TMEM38A: variants seen among roughly 807,000 people sequenced by gnomAD.
The protein encoded by TMEM38A is trimeric intracellular cation channel type A.
A neutral mutation model predicts 28.6 loss-of-function variants in TMEM38A; 17 were observed. The ratio of observed to expected loss-of-function variants is 0.60; its 90% confidence interval spans 0.41 to 0.89. The LOEUF is 0.89. Ranked by LOEUF, TMEM38A falls within the 40% of genes least tolerant of loss-of-function variation. The pLI, the probability that TMEM38A is intolerant of heterozygous loss-of-function variation, is 0.00. For synonymous variants in TMEM38A, 169 were observed against 166.1 expected, an observed-to-expected ratio of 1.02 and a Z score of -0.14; for missense variants, 328 against 393.1, an observed-to-expected ratio of 0.83 and a Z score of 1.40.
rs2086817281 is a variant in TMEM38A at position 16,689,566 on chromosome 19, G to C, written c.*1195G>C. 2 of 152,204 alleles carry C rather than the reference G, an allele frequency of 1.3e-5. No homozygotes were observed. Among genetic ancestry groups the C allele is most frequent in the African/African-American group, 2.4e-5 (1 of 41,448 alleles). 9.4% of individuals were successfully genotyped at this position (152,204 alleles called of 1,614,324 possible). A position where few individuals can be genotyped will look rare whatever the true frequency, so the allele number is the denominator to read the frequency against. ...CAGCTGGTTGGGGTTCCACGATCCA[G>C]CTCTATCAAGGGGCTCTGAGTGTGC... is the stretch of plus-strand genomic sequence containing the variant. On this transcript the variant is annotated 3_prime_UTR_variant, in exon 6 of 6. Transcript: ENST00000187762.
intron 3 of TMEM38A, 78 bp downstream of exon 3, chr19:16,680,659 A>G (rs2122594438): frequency 6.7e-7 from 1 of 1,481,776 alleles, no homozygotes; most frequent in Non-Finnish European, 9.3e-7. Context: ...CACCCCAGCT[A>G]GGAAAGCCAT....
intron 1 of TMEM38A, among the ~76,000 whole-genome samples, chr19:16,664,319 A>G (rs1269118462): frequency 1.3e-5 from 2 of 152,162 alleles, no homozygotes; most frequent in Admixed American, 6.6e-5. Flanking sequence ...TGGGAGGCTG[A>G]GACATGAGAA....
At chr19:16,680,946 G>T in intron 3 of TMEM38A, 1 of 205,202 alleles carries the variant, frequency 4.9e-6, no homozygotes, top group Non-Finnish European at 1.0e-5. Context: ...CCCACGAGAT[G>T]CCAGTAGCAC....
At chr19:16,687,224 C>A (rs991379671) in intron 5 of TMEM38A, among the ~76,000 whole-genome samples, 1 of 151,800 alleles carries the variant, frequency 6.6e-6, no homozygotes, top group African/African-American at 2.4e-5. Context: ...CCCAGCTACT[C>A]GGGAGGCTGA....
intron 1 of TMEM38A, among the ~76,000 whole-genome samples, chr19:16,667,129 C>T (rs2086706740): frequency 6.6e-6 from 1 of 151,748 alleles, no homozygotes; most frequent in African/African-American, 2.4e-5. Context: ...ATTAGCCAGT[C>T]ATGGTGGCAC....
intron 1 of TMEM38A, among the ~76,000 whole-genome samples, chr19:16,678,660 G>A (rs1040662122): frequency 1.3e-5 from 2 of 150,248 alleles, no homozygotes; most frequent in African/African-American, 4.9e-5. Flanking sequence ...AAATACTTTC[G>A]AGGCTGAGGT....
chr19:16,676,645 A>C (rs2086752763), intron 1 of TMEM38A, among the ~76,000 whole-genome samples: 1 of 152,130 alleles, frequency 6.6e-6, no homozygotes, highest in Non-Finnish European at 1.5e-5. Context: ...ATACAACATA[A>C]GGATAGAACT....
chr19:16,686,147 A>G (rs1443088680), intron 4 of TMEM38A, 141 bp from the exon 5 acceptor site: 3 of 603,596 alleles, frequency 5.0e-6, no homozygotes, highest in Non-Finnish European at 8.7e-6. Flanking sequence ...TGGGCAACAG[A>G]GTGAGATTCC....
intron 1 of TMEM38A, among the ~76,000 whole-genome samples, chr19:16,679,747 T>C (rs945823104): frequency 6.6e-6 from 1 of 152,166 alleles, no homozygotes; most frequent in Non-Finnish European, 1.5e-5. Context: ...ACTAGTGTCA[T>C]CATCATTGCC....
chr19:16,663,730 G>A (rs572589444), intron 1 of TMEM38A, among the ~76,000 whole-genome samples: 1 of 151,472 alleles, frequency 6.6e-6, no homozygotes, highest in Admixed American at 6.6e-5. Flanking sequence ...TAGAGACAGG[G>A]TTTCACCGTA....
At position 16,661,195 on chromosome 19, in the gene TMEM38A, C is replaced by T. The variant is rs374222958; in HGVS notation, c.-23C>T. 23 of 1,396,614 alleles carry T rather than the reference C, an allele frequency of 1.6e-5. No individual in the cohort carries two copies. In the African/African-American group the frequency reaches 2.7e-4, roughly 16 times the overall value. The allele number at this position is 1,396,614 out of a possible 1,614,324, so 86.5% of individuals were successfully genotyped here. On this transcript the variant is annotated 5_prime_UTR_variant, in exon 1 of 6. Coordinates refer to ENST00000187762, the MANE Select transcript of TMEM38A (RefSeq NM_024074.4). This position sits in a 1 kb window ranked among gnomAD's most constrained non-coding sequence, Gnocchi z 6.5. ...CGAGGCCGGGGCCCCGGGTGGCACC[C>T]GGCAGGCGGGCAGGCGGGCGCCATG...
chr19:16,674,251 G>T (rs773608547), intron 1 of TMEM38A, among the ~76,000 whole-genome samples: 78 of 151,760 alleles, frequency 5.1e-4, no homozygotes, highest in Non-Finnish European at 1.5e-5. Context: ...TAGGCGTGGT[G>T]GCAGGTGCCT....
rs142976398 is a variant in TMEM38A, at chr19:16,685,850, A to G, written c.555-438A>G. On this transcript the variant is annotated intron_variant, in intron 4 of 5. Transcript: ENST00000187762. ...AACCCATCATGCATAGGATGACACC[A>G]TCTCAACCTGCCACCTTACAATCAG... Among the ~76,000 whole-genome samples, 41 of 152,322 alleles carry G rather than the reference A, an allele frequency of 2.7e-4. No homozygotes were observed. In the East Asian group the frequency reaches 7.3e-3, roughly 27 times the overall value.
chr19:16,673,332 T>C (rs868119255), intron 1 of TMEM38A, among the ~76,000 whole-genome samples: 1 of 152,194 alleles, frequency 6.6e-6, no homozygotes, highest in African/African-American at 2.4e-5. Flanking sequence ...TCCGCCTGCC[T>C]TGGCCTCCCA....
Position 16,684,395 on chromosome 19 carries a change from G to T in TMEM38A, c.554+1887G>T, listed in dbSNP as rs116002679. Among the ~76,000 whole-genome samples the T allele has an allele frequency of 7.6e-3, 1,154 of 151,928 alleles. 15 individuals carry two copies. The highest frequency in any genetic ancestry group is 0.027 in the African/African-American group (1,111 of 41,452). Reference sequence around the variant, plus strand: ...CTCAGGACGCTGAGGCAGGAAGATCGCTTGGTCTCAGAAGGTTGAAGCTGG... The same window carrying T: ...CTCAGGACGCTGAGGCAGGAAGATCTCTTGGTCTCAGAAGGTTGAAGCTGG... On this transcript the variant is annotated intron_variant, in intron 4 of 5. Coordinates refer to ENST00000187762, the MANE Select transcript of TMEM38A (RefSeq NM_024074.4).
At chr19:16,673,000 C>G (rs2086734187) in intron 1 of TMEM38A, among the ~76,000 whole-genome samples, 1 of 152,174 alleles carries the variant, frequency 6.6e-6, no homozygotes, top group South Asian at 2.1e-4. Flanking sequence ...AAAAAATGAT[C>G]TGATCCCAAA....
intron 1 of TMEM38A, among the ~76,000 whole-genome samples, chr19:16,672,538 T>A (rs1206302904): frequency 1.3e-4 from 19 of 141,150 alleles, no homozygotes. Context: ...AACCTCCACC[T>A]CCTGAATTCA....
At chr19:16,686,243 T>G (rs780259091) in intron 4 of TMEM38A, 45 bp from the exon 5 acceptor site, 1 of 1,480,252 alleles carries the variant, frequency 6.8e-7, no homozygotes, top group Non-Finnish European at 9.4e-7. Context: ...TATGAAGACT[T>G]GAGCCATGCA....
chr19:16,680,505 C>G lies in TMEM38A; in HGVS notation c.390C>G (p.Ile130Met). ...AMKEVVRVRK[I>M]AVGIHHAHHH... ...AGGAGGTGGTGCGAGTCCGCAAGAT[C>G]GCGGTGGGCATCCATCACGCCCATC... Residue 130 changes from isoleucine to methionine, a missense_variant, in exon 3 of 6, where the codon ATC becomes ATG. Physicochemically the swap from Ile to Met is conservative, Grantham distance 10. Transcript: ENST00000187762. The G allele has an allele frequency of 6.2e-7, 1 of 1,614,176 alleles. No individual in the cohort carries two copies. Among genetic ancestry groups the G allele is most frequent in the Non-Finnish European group, 8.5e-7 (1 of 1,180,032 alleles).
Sources: allele counts gnomAD v4.1 joint callset (sites outside exome capture counted in the v4.1 genomes callset), GRCh38; gene constraint gnomAD v4.1.1; non-coding constraint Gnocchi (gnomAD v3.1); transcripts MANE v1.5; gene names NCBI Gene and HGNC (gene_info 2026-07-23, HGNC 2026-07-21).